The following NALF1 variants were observed in gnomAD, a reference collection of about 807,000 sequenced individuals.
NALF1 encodes family with sequence similarity 155 member A.
In NALF1, 3 loss-of-function variants were observed where a neutral mutation model predicts 48.4. The ratio of observed to expected loss-of-function variants is 0.06; its 90% CI spans 0.03 to 0.16. The LOEUF is 0.16. NALF1 is among the 10% of genes least tolerant of loss of function. NALF1 has a pLI of 1.00. For missense variants in NALF1, 526 were observed against 571.5 expected, an observed-to-expected ratio of 0.92 and a Z score of 0.81; for synonymous variants, 262 against 245.7, an observed-to-expected ratio of 1.07 and a Z score of -0.62.
intron 1 of NALF1, among the ~76,000 whole-genome samples, chr13:107,728,931 T>C (rs1406655402): frequency 6.6e-6 from 1 of 152,196 alleles, no homozygotes; most frequent in Non-Finnish European, 1.5e-5. Context: ...GATAAAGCCA[T>C]GCAATTCTTG....
At chr13:107,445,297 T>C (rs976079409) in intron 1 of NALF1, among the ~76,000 whole-genome samples, 1 of 152,170 alleles carries the variant, frequency 6.6e-6, no homozygotes, top group Non-Finnish European at 1.5e-5. Context: ...TTTCTAATTT[T>C]GTTGTTTAAT....
At chr13:107,750,208 C>A (rs1876897413) in intron 1 of NALF1, among the ~76,000 whole-genome samples, 1 of 152,162 alleles carries the variant, frequency 6.6e-6, no homozygotes, top group Non-Finnish European at 1.5e-5. Flanking sequence ...ACGTGCGGAC[C>A]TAGAGACTCA....
chr13:107,852,717 T>C (rs1230820919), intron 1 of NALF1, among the ~76,000 whole-genome samples: 1 of 152,078 alleles, frequency 6.6e-6, no homozygotes, highest in Non-Finnish European at 1.5e-5. Flanking sequence ...AAGAACCAGG[T>C]TGAAAAGCCC....
chr13:107,749,864 G>A (rs1455223820), intron 1 of NALF1, among the ~76,000 whole-genome samples: 1 of 151,946 alleles, frequency 6.6e-6, no homozygotes, highest in East Asian at 1.9e-4. Flanking sequence ...CTGTCTCCCA[G>A]GCTGGAATGC....
intron 1 of NALF1, among the ~76,000 whole-genome samples, chr13:107,422,318 C>T (rs1424415177): frequency 2.0e-5 from 3 of 152,142 alleles, no homozygotes; most frequent in African/African-American, 4.8e-5. Context: ...CATGCTCTTA[C>T]CTCAGTACAT....
chr13:107,705,196 C>A (rs1466266280), intron 1 of NALF1, among the ~76,000 whole-genome samples: 1 of 152,130 alleles, frequency 6.6e-6, no homozygotes. Context: ...GGGAACAAGA[C>A]CCAAATGTAG....
At chr13:107,641,415 T>A (rs1880151694) in intron 1 of NALF1, among the ~76,000 whole-genome samples, 1 of 152,154 alleles carries the variant, frequency 6.6e-6, no homozygotes, top group African/African-American at 2.4e-5. Context: ...ATTTGAATGT[T>A]CCCAACCCAA....
chr13:107,767,431 G>A (rs1030693501), intron 1 of NALF1, among the ~76,000 whole-genome samples: 12 of 152,272 alleles, frequency 7.9e-5, no homozygotes, highest in Admixed American at 1.3e-4. Context: ...GTTATTCAAC[G>A]CAGTCCCACT....
chr13:107,179,376 T>TG (rs1215658731), intron 2 of NALF1, among the ~76,000 whole-genome samples: 1 of 151,732 alleles, frequency 6.6e-6, no homozygotes, highest in Non-Finnish European at 1.5e-5. Flanking sequence ...GGAAGGGTAG[T>TG]GGGGGGTTGG....
At chr13:107,746,875 T>C (rs1348310709) in intron 1 of NALF1, among the ~76,000 whole-genome samples, 1 of 152,160 alleles carries the variant, frequency 6.6e-6, no homozygotes, top group Admixed American at 6.6e-5. Context: ...TGTATCTCAC[T>C]TCATATACAA....
At chr13:107,305,189 T>C (rs1881911748) in intron 1 of NALF1, among the ~76,000 whole-genome samples, 1 of 152,196 alleles carries the variant, frequency 6.6e-6, no homozygotes, top group African/African-American at 2.4e-5. Flanking sequence ...ATCTCTACAA[T>C]GTGTCCAACA....
intron 1 of NALF1, among the ~76,000 whole-genome samples, chr13:107,245,279 G>C (rs1880558527): frequency 6.6e-6 from 1 of 152,198 alleles, no homozygotes; most frequent in Non-Finnish European, 1.5e-5. Flanking sequence ...TCACTGGAAA[G>C]TCAAAAATTT....
chr13:107,378,317 C>T (rs1190478894), intron 1 of NALF1, among the ~76,000 whole-genome samples: 1 of 151,756 alleles, frequency 6.6e-6, no homozygotes, highest in East Asian at 1.9e-4. Context: ...GCTTTGTATA[C>T]TTGAGTTATA....
At chr13:107,173,962 C>A (rs530608092) in intron 2 of NALF1, among the ~76,000 whole-genome samples, 1 of 152,162 alleles carries the variant, frequency 6.6e-6, no homozygotes, top group African/African-American at 2.4e-5. Context: ...TGAGTTTTCA[C>A]GTGACATAAT....
intron 1 of NALF1, among the ~76,000 whole-genome samples, chr13:107,822,709 C>T (rs1339077067): frequency 3.3e-5 from 5 of 152,088 alleles, no homozygotes; most frequent in Non-Finnish European, 4.4e-5. Context: ...CTAGCACTAA[C>T]GTGATTGAAA....
intron 1 of NALF1, among the ~76,000 whole-genome samples, chr13:107,329,599 C>G (rs1179597525): frequency 2.0e-5 from 3 of 151,758 alleles, no homozygotes; most frequent in Admixed American, 2.0e-4. Flanking sequence ...GTGCTGCACC[C>G]AGTAACTCGT....
intron 1 of NALF1, among the ~76,000 whole-genome samples, chr13:107,420,907 G>C (rs1379259916): frequency 1.3e-5 from 2 of 151,992 alleles, no homozygotes; most frequent in African/African-American, 2.4e-5. Context: ...TGCTTTTCAT[G>C]TTTCTCGTAT....
intron 1 of NALF1, among the ~76,000 whole-genome samples, chr13:107,538,926 CCATT>C (rs1244032468): frequency 1.3e-5 from 2 of 151,896 alleles, no homozygotes; most frequent in African/African-American, 4.8e-5. Flanking sequence ...TAAATAGTAC[CCATT>C]CTTATTATAA....
chr13:107,498,560 C>A (rs1211431909), intron 1 of NALF1, among the ~76,000 whole-genome samples: 2 of 151,864 alleles, frequency 1.3e-5, no homozygotes, highest in Non-Finnish European at 1.5e-5. Context: ...TCTGTTGATG[C>A]AATTCGAAAA....
Sources: allele counts gnomAD v4.1 joint callset (sites outside exome capture counted in the v4.1 genomes callset), GRCh38; gene constraint gnomAD v4.1.1; transcripts MANE v1.5; gene names NCBI Gene and HGNC (gene_info 2026-07-23, HGNC 2026-07-21).